PLPP4: variants seen among roughly 807,000 people sequenced by gnomAD.
The protein encoded by PLPP4 is diacylglycerol pyrophosphate like 2.
A neutral mutation model predicts 32.2 loss-of-function variants in PLPP4; 20 were observed. The observed-to-expected ratio is 0.62, with a 90% CI of 0.44 to 0.90. The LOEUF is 0.90. PLPP4 is among the 40% of genes least tolerant of loss of function. PLPP4 has a pLI of 0.00. For missense variants in PLPP4, 257 were observed against 353.1 expected (o/e 0.73, Z 2.18); for synonymous variants, 127 against 133.0 (o/e 0.95, Z 0.31).
intron 1 of PLPP4, among the ~76,000 whole-genome samples, chr10:120,484,086 T>C (rs930424913): frequency 6.6e-6 from 1 of 152,234 alleles, no homozygotes; most frequent in Non-Finnish European, 1.5e-5. Context: ...GTATAAGTGC[T>C]ACAGGAAATT....
intron 5 of PLPP4, among the ~76,000 whole-genome samples, chr10:120,537,381 A>G (rs1266796426): frequency 1.3e-5 from 2 of 152,236 alleles, no homozygotes; most frequent in Non-Finnish European, 2.9e-5. Context: ...AAATTCTTCT[A>G]TTTGTAACAA....
intron 5 of PLPP4, among the ~76,000 whole-genome samples, chr10:120,565,846 A>G (rs574858142): frequency 1.3e-5 from 2 of 152,152 alleles, no homozygotes; most frequent in Admixed American, 6.5e-5. Flanking sequence ...CATCCATGTC[A>G]CTTATCTTTC....
chr10:120,462,756 ATTTT>A (rs200530818), intron 1 of PLPP4, among the ~76,000 whole-genome samples: 8,704 of 152,210 alleles, frequency 0.057, 374 homozygotes, highest in South Asian at 0.12. Flanking sequence ...CAGAATCTGC[ATTTT>A]GAACAGGGGC....
chr10:120,508,075 G>T (rs1197295708), intron 2 of PLPP4, among the ~76,000 whole-genome samples: 1 of 152,162 alleles, frequency 6.6e-6, no homozygotes, highest in Admixed American at 6.5e-5. Context: ...ATGTCCAGAA[G>T]ATACATTCTC....
intron 1 of PLPP4, among the ~76,000 whole-genome samples, chr10:120,495,085 G>A (rs750201454): frequency 2.6e-5 from 4 of 152,164 alleles, no homozygotes; most frequent in Non-Finnish European, 4.4e-5. Flanking sequence ...TGCACTCCGT[G>A]CCGTATAGAC....
chr10:120,507,520 A>G (rs1845549948), intron 2 of PLPP4, among the ~76,000 whole-genome samples: 1 of 152,238 alleles, frequency 6.6e-6, no homozygotes, highest in Non-Finnish European at 1.5e-5. Flanking sequence ...ATGTCAGTGG[A>G]GAAAACAAAA....
intron 5 of PLPP4, among the ~76,000 whole-genome samples, chr10:120,544,083 C>T (rs377100553): frequency 6.6e-6 from 1 of 152,188 alleles, no homozygotes; most frequent in South Asian, 2.1e-4. Flanking sequence ...CACAGGGGTA[C>T]AGATACCTCT....
In PLPP4 at chr10:120,486,295, G is replaced by A. The variant is rs79152896; in HGVS notation, c.57-17523G>A. ...TTTTTTCCTCCTCAAATGCTCCTTT[G>A]AAAGATCTGCTTTTGATGGGAGACA... On this transcript the variant is annotated intron_variant, in intron 1 of 6. Transcript: ENST00000398250. Among the ~76,000 whole-genome samples, 916 of 150,120 alleles carry A rather than the reference G, an allele frequency of 6.1e-3. 7 individuals carry two copies. The highest frequency in any genetic ancestry group is 0.01 in the Non-Finnish European group (685 of 67,700).
chr10:120,558,618 G>C (rs911724755), intron 5 of PLPP4, among the ~76,000 whole-genome samples: 5 of 152,024 alleles, frequency 3.3e-5, no homozygotes, highest in Non-Finnish European at 7.4e-5. Flanking sequence ...GTTGCACCAT[G>C]TTGGCCAGGC....
chr10:120,470,547 A>T (rs1848471020), intron 1 of PLPP4, among the ~76,000 whole-genome samples: 1 of 152,030 alleles, frequency 6.6e-6, no homozygotes, highest in Non-Finnish European at 1.5e-5. Flanking sequence ...AGTATTTTAC[A>T]CTTTTGTTCT....
At chr10:120,562,766 T>C (rs1848496279) in intron 5 of PLPP4, among the ~76,000 whole-genome samples, 1 of 152,186 alleles carries the variant, frequency 6.6e-6, no homozygotes, top group Non-Finnish European at 1.5e-5. Context: ...CAATGCTAGA[T>C]TTGGTTGATA....
chr10:120,572,425 C>G (rs1306870391), intron 5 of PLPP4, among the ~76,000 whole-genome samples: 1 of 152,200 alleles, frequency 6.6e-6, no homozygotes, highest in Admixed American at 6.5e-5. Flanking sequence ...GTCTCCAAGT[C>G]ATTTTTTATG....
chr10:120,518,945 T>G (rs1209167536), intron 4 of PLPP4, 49 bp downstream of exon 4: 1 of 1,504,472 alleles, frequency 6.6e-7, no homozygotes, highest in Non-Finnish European at 9.2e-7. Context: ...CAAGGTCATC[T>G]ATATAGGAAG....
At chr10:120,506,553 T>C (rs1845498550) in intron 2 of PLPP4, among the ~76,000 whole-genome samples, 2 of 152,258 alleles carry the variant, frequency 1.3e-5, no homozygotes, top group South Asian at 4.1e-4. Flanking sequence ...TTGGTTGGAA[T>C]GTTTTAATCT....
chr10:120,540,206 G>A (rs1347234608), intron 5 of PLPP4, among the ~76,000 whole-genome samples: 5 of 152,126 alleles, frequency 3.3e-5, no homozygotes, highest in African/African-American at 1.2e-4. Context: ...ATGCACAGCT[G>A]CCCAGCTCTC....
chr10:120,487,420 A>G (rs1589750078), intron 1 of PLPP4, among the ~76,000 whole-genome samples: 2 of 152,334 alleles, frequency 1.3e-5, no homozygotes, highest in Non-Finnish European at 2.9e-5. Context: ...TGTCAATTGC[A>G]CAGAGAACTG....
At chr10:120,488,691 C>G (rs1285533118) in intron 1 of PLPP4, among the ~76,000 whole-genome samples, 2 of 152,212 alleles carry the variant, frequency 1.3e-5, no homozygotes, top group Non-Finnish European at 2.9e-5. Flanking sequence ...TCCCACACTA[C>G]TTGGGCAGGC....
At chr10:120,521,456 G>A (rs765953426) in intron 5 of PLPP4, among the ~76,000 whole-genome samples, 2 of 152,150 alleles carry the variant, frequency 1.3e-5, no homozygotes, top group Non-Finnish European at 1.5e-5. Flanking sequence ...TTCAGGTGTT[G>A]CGTGTGTGTG....
chr10:120,567,000 A>G (rs530980133), intron 5 of PLPP4, among the ~76,000 whole-genome samples: 13 of 152,328 alleles, frequency 8.5e-5, no homozygotes, highest in Non-Finnish European at 1.5e-4. Flanking sequence ...CCCCACAGAC[A>G]TGCTCGGGGC....
Sources: gnomAD v4.1 joint callset for allele counts (sites outside exome capture counted in the v4.1 genomes callset) on GRCh38, gnomAD v4.1.1 for gene constraint, MANE v1.5 for transcripts, NCBI Gene and HGNC (gene_info 2026-07-23, HGNC 2026-07-21) for gene names.